REM1: variants seen among roughly 807,000 people sequenced by gnomAD.
REM1 encodes the protein RRAD and GEM like GTPase 1.
REM1 carries 20 observed loss-of-function variants against 27.0 expected under a neutral mutation model. The ratio of observed to expected loss-of-function variants is 0.74; its 90% CI spans 0.52 to 1.08. The LOEUF (loss-of-function observed/expected upper bound fraction) is 1.08, where lower values mean the gene tolerates loss of function less well. REM1 is among the 50% of genes least tolerant of loss of function. The probability of loss-of-function intolerance (pLI) is 0.00; values close to 1 mark genes in which losing one functional copy is unlikely to be tolerated. For missense variants in REM1, 405 were observed against 407.0 expected (o/e 1.00, Z 0.04); for synonymous variants, 159 against 167.9 (o/e 0.95, Z 0.41).
chr20:31,483,772 T>C lies in REM1; in HGVS notation c.626-387T>C, dbSNP rs1283489928. ...AGACCCTATGCTTTGTGAACAGACA[T>C]CCAAAAAAAAAAAAAAAAAAAACTG... On this transcript the variant is annotated intron_variant, in intron 4 of 4. Coordinates refer to ENST00000201979, the MANE Select transcript of REM1 (RefSeq NM_014012.6). Among the ~76,000 whole-genome samples the C allele has an allele frequency of 4.6e-4, 37 of 80,546 alleles. No individual in the cohort carries two copies. In the South Asian group the frequency reaches 8.0e-3, roughly 17 times the overall value. The allele number at this position is 80,546 out of a possible 152,430, so 52.8% of individuals were successfully genotyped here. A position where few individuals can be genotyped will look rare whatever the true frequency, so the allele number is the denominator to read the frequency against.
chr20:31,476,797 A>ATGAGCGCC lies in REM1; in HGVS notation c.340+14_340+15insAGCGCCTG, dbSNP rs1568761243. On this transcript the variant is annotated intron_variant, in intron 2 of 4. Coordinates refer to ENST00000201979, the MANE Select transcript of REM1 (RefSeq NM_014012.6). ...TGAACAGCTGGGAGGTAGGGGCCATATGGGCTGGGCTGGGATGTGGCCAAA... is the reference window on the plus strand; with the variant it reads ...TGAACAGCTGGGAGGTAGGGGCCATATGAGCGCCTGGGCTGGGCTGGGATGTGGCCAAA... 1.9e-6 allele frequency: 3 copies of ATGAGCGCC among 1,593,866 alleles called. No individual in the cohort carries two copies. The East Asian group carries it at 6.7e-5, about 36-fold the overall frequency.
Position 31,484,507 on chromosome 20 carries a change from G to T in REM1, c.*77G>T. 7.0e-7 allele frequency: 1 copy of T among 1,418,690 alleles called. No homozygotes were observed. The highest frequency in any genetic ancestry group is 9.2e-7 in the Non-Finnish European group (1 of 1,082,884). The allele number at this position is 1,418,690 out of a possible 1,614,324, so 87.9% of individuals were successfully genotyped here. A position where few individuals can be genotyped will look rare whatever the true frequency, so the allele number is the denominator to read the frequency against. On this transcript the variant is annotated 3_prime_UTR_variant, in exon 5 of 5. Coordinates refer to ENST00000201979, the MANE Select transcript of REM1 (RefSeq NM_014012.6). Reference sequence around the variant, plus strand: ...CCAGGGACGCCACTGCGGGGCAAAGGCGCCGTTACCTGGAGTCTGCATCAT... The same window carrying T: ...CCAGGGACGCCACTGCGGGGCAAAGTCGCCGTTACCTGGAGTCTGCATCAT...
In REM1 at chr20:31,475,992, G is replaced by A. The variant is rs993996254; in HGVS notation, c.-219-235G>A. On this transcript the variant is annotated intron_variant, in intron 1 of 4. Coordinates refer to ENST00000201979, the MANE Select transcript of REM1 (RefSeq NM_014012.6). The surrounding 1 kb of genome is among the most constrained non-coding windows in gnomAD (Gnocchi z 5.0). ...TGAAAGAGAGCGGTGGGGAAGGGGA[G>A]GAGGGGGACAATTCAGATGTCTTTC... is the stretch of plus-strand genomic sequence containing the variant. 2.0e-5 allele frequency among the ~76,000 whole-genome samples: 3 copies of A among 152,220 alleles called. No homozygotes were observed. The East Asian group carries it at 5.8e-4, about 29-fold the overall frequency.
intron 3 of REM1, among the ~76,000 whole-genome samples, chr20:31,478,676 G>A (rs1253607350): frequency 6.8e-6 from 1 of 147,634 alleles, no homozygotes; most frequent in Non-Finnish European, 1.5e-5. Flanking sequence ...CTAGGGGATA[G>A]GCTGCTCAAA....
chr20:31,478,706 T>A (rs547504596), intron 3 of REM1, among the ~76,000 whole-genome samples: 1 of 152,316 alleles, frequency 6.6e-6, no homozygotes, highest in East Asian at 1.9e-4. Context: ...GTGAGTCTTC[T>A]GATTCCCATT....
At chr20:31,482,226 A>G in intron 3 of REM1, 61 bp from the exon 4 acceptor site, 2 of 1,542,932 alleles carry the variant, frequency 1.3e-6, no homozygotes, top group East Asian at 4.5e-5. Context: ...TCCCAGCTCC[A>G]CCTTCCTCAG....
chr20:31,484,477 G>C lies in REM1; in HGVS notation c.*47G>C. On this transcript the variant is annotated 3_prime_UTR_variant, in exon 5 of 5. Transcript: ENST00000201979. ...TTGGCGGGTCACTGAGGTGCATTCT[G>C]GGCTCCAGGGACGCCACTGCGGGGC... 7.0e-7 allele frequency: 1 copy of C among 1,437,742 alleles called. No homozygotes were observed. The highest frequency in any genetic ancestry group is 9.1e-7 in the Non-Finnish European group (1 of 1,094,202). The allele number at this position is 1,437,742 out of a possible 1,614,324, so 89.1% of individuals were successfully genotyped here.
intron 4 of REM1, among the ~76,000 whole-genome samples, chr20:31,483,684 C>T (rs887322143): frequency 4.6e-5 from 7 of 150,550 alleles, no homozygotes; most frequent in African/African-American, 1.5e-4. Flanking sequence ...AAGGAAAAAG[C>T]TAGTTTCACA....
intron 3 of REM1, among the ~76,000 whole-genome samples, chr20:31,481,203 G>A (rs912875312): frequency 4.6e-5 from 7 of 152,178 alleles, no homozygotes; most frequent in Non-Finnish European, 8.8e-5. Context: ...AACCTGGGAG[G>A]TGGAGGTTGC....
At chr20:31,480,162 CAACAGAG>C (rs1980666578) in intron 3 of REM1, among the ~76,000 whole-genome samples, 1 of 151,686 alleles carries the variant, frequency 6.6e-6, no homozygotes, top group Non-Finnish European at 1.5e-5. Context: ...TCAGCCTGGG[CAACAGAG>C]CAAGACTCCA....
In REM1 at chr20:31,484,455, G is replaced by A; in HGVS notation, c.*25G>A. The A allele has an allele frequency of 6.8e-7, 1 of 1,461,184 alleles. No individual in the cohort carries two copies. Among genetic ancestry groups the A allele is most frequent in the Non-Finnish European group, 9.1e-7 (1 of 1,104,714 alleles). 90.5% of individuals were successfully genotyped at this position (1,461,184 alleles called of 1,614,324 possible). ...AAGCCCCCCGCCCTTCTGAGAGTTG[G>A]CGGGTCACTGAGGTGCATTCTGGGC... is the stretch of plus-strand genomic sequence containing the variant. On this transcript the variant is annotated 3_prime_UTR_variant, in exon 5 of 5. Transcript: ENST00000201979.
In REM1 at chr20:31,484,488, A is replaced by T; in HGVS notation, c.*58A>T. The T allele has an allele frequency of 1.4e-6, 2 of 1,432,084 alleles. No individual in the cohort carries two copies. The highest frequency in any genetic ancestry group is 1.8e-6 in the Non-Finnish European group (2 of 1,091,282). The allele number at this position is 1,432,084 out of a possible 1,614,324, so 88.7% of individuals were successfully genotyped here. A position where few individuals can be genotyped will look rare whatever the true frequency, so the allele number is the denominator to read the frequency against. On this transcript the variant is annotated 3_prime_UTR_variant, in exon 5 of 5. Transcript: ENST00000201979. ...CTGAGGTGCATTCTGGGCTCCAGGG[A>T]CGCCACTGCGGGGCAAAGGCGCCGT...
intron 3 of REM1, among the ~76,000 whole-genome samples, chr20:31,478,371 T>C (rs1472800405): frequency 6.6e-6 from 1 of 152,206 alleles, no homozygotes; most frequent in Admixed American, 6.5e-5. Flanking sequence ...ATCAGCTAGT[T>C]TTTTAAAGTT....
At chr20:31,476,881 G>A (rs1416602018) in intron 2 of REM1, 96 bp downstream of exon 2, 3 of 1,028,580 alleles carry the variant, frequency 2.9e-6, no homozygotes, top group Non-Finnish European at 4.2e-6. Flanking sequence ...TACAAGTCAT[G>A]CACTGTTCAA....
chr20:31,478,675 A>AG (rs145205701), intron 3 of REM1, among the ~76,000 whole-genome samples: 2,282 of 152,258 alleles, frequency 0.015, 37 homozygotes, highest in Middle Eastern at 0.044. Context: ...TCTAGGGGAT[A>AG]GGCTGCTCAA....
rs1194177210 is a variant in REM1, at chr20:31,475,926, C to G, written c.-219-301C>G. Among the ~76,000 whole-genome samples, 1 of 152,212 alleles carries G rather than the reference C, an allele frequency of 6.6e-6. No individual in the cohort carries two copies. Among genetic ancestry groups the G allele is most frequent in the Admixed American group, 6.5e-5 (1 of 15,284 alleles). On this transcript the variant is annotated intron_variant, in intron 1 of 4. Transcript: ENST00000201979. This position sits in a 1 kb window ranked among gnomAD's most constrained non-coding sequence, Gnocchi z 5.0. ...CATCGAAAGTTAAGTAGCCCCTACC[C>G]TTGGGGGAGACCTGAAACTGCACTC...
In REM1 at chr20:31,484,566, G is replaced by A; in HGVS notation, c.*136G>A. The A allele has an allele frequency of 2.7e-6, 3 of 1,102,900 alleles. No homozygotes were observed. Among genetic ancestry groups the A allele is most frequent in the Non-Finnish European group, 3.7e-6 (3 of 817,826 alleles). 68.3% of individuals were successfully genotyped at this position (1,102,900 alleles called of 1,614,324 possible). A position where few individuals can be genotyped will look rare whatever the true frequency, so the allele number is the denominator to read the frequency against. ...CTTGCCTGCTGCCCTGATGGCCTGA[G>A]CATCCCCCAGATCCAAGCCTGGGGG... On this transcript the variant is annotated 3_prime_UTR_variant, in exon 5 of 5. Transcript: ENST00000201979.
At chr20:31,478,904 G>A (rs1387741993) in intron 3 of REM1, among the ~76,000 whole-genome samples, 1 of 150,668 alleles carries the variant, frequency 6.6e-6, no homozygotes, top group Non-Finnish European at 1.5e-5. Context: ...GCGCCATCTC[G>A]GCTCACTGCA....
Position 31,476,537 on chromosome 20 carries a change from G to C in REM1, c.92G>C (p.Gly31Ala), listed in dbSNP as rs761200099. Residue 31 changes from glycine to alanine, a missense_variant, in exon 2 of 5, where the codon GGC (glycine) becomes GCC (alanine). Transcript: ENST00000201979. ...LPLSPRGHQP[G>A]RLSTVPSTQS... ...CTGTCCCCACGGGGCCACCAGCCTG[G>C]CCGCCTGAGCACAGTGCCTTCCACT... The C allele has an allele frequency of 6.2e-6, 10 of 1,614,112 alleles. No homozygotes were observed. The Admixed American group carries it at 1.7e-4, about 27-fold the overall frequency.
Sources: allele counts gnomAD v4.1 joint callset (sites outside exome capture counted in the v4.1 genomes callset), GRCh38; gene constraint gnomAD v4.1.1; non-coding constraint Gnocchi (gnomAD v3.1); transcripts MANE v1.5; gene names NCBI Gene and HGNC (gene_info 2026-07-23, HGNC 2026-07-21).